PHACTR1: variants seen among roughly 807,000 people sequenced by gnomAD.
The protein encoded by PHACTR1 is RPEL repeat containing 1.
A neutral mutation model predicts 69.2 loss-of-function variants in PHACTR1; 16 were observed. The observed-to-expected ratio is 0.23, with a 90% CI of 0.16 to 0.35. PHACTR1 has a LOEUF of 0.35. Ranked by LOEUF, PHACTR1 falls within the 10% of genes least tolerant of loss-of-function variation. The probability of loss-of-function intolerance (pLI) is 1.00; values close to 1 mark genes in which losing one functional copy is unlikely to be tolerated. For missense variants in PHACTR1, 510 were observed against 734.7 expected, an observed-to-expected ratio of 0.69 and a Z score of 3.54; for synonymous variants, 312 against 284.5, an observed-to-expected ratio of 1.10 and a Z score of -0.97.
At chr6:12,813,519 A>G (rs1775250823) in intron 4 of PHACTR1, among the ~76,000 whole-genome samples, 1 of 152,196 alleles carries the variant, frequency 6.6e-6, no homozygotes, top group African/African-American at 2.4e-5. Flanking sequence ...AGAGACACCA[A>G]GTCCCTCTGC....
At chr6:12,943,629 A>G (rs1244593858) in intron 4 of PHACTR1, among the ~76,000 whole-genome samples, 1 of 152,180 alleles carries the variant, frequency 6.6e-6, no homozygotes, top group Non-Finnish European at 1.5e-5. Context: ...TCTATCCTCA[A>G]ATAATTTAGA....
chr6:12,992,596 A>G (rs899990101), intron 4 of PHACTR1, among the ~76,000 whole-genome samples: 1 of 152,208 alleles, frequency 6.6e-6, no homozygotes, highest in Non-Finnish European at 1.5e-5. Flanking sequence ...AAACTCACCT[A>G]AATTAAATTC....
intron 3 of PHACTR1, among the ~76,000 whole-genome samples, chr6:12,736,489 T>C (rs1764269486): frequency 6.6e-6 from 1 of 152,160 alleles, no homozygotes; most frequent in Non-Finnish European, 1.5e-5. Context: ...CTAGGACATA[T>C]TACCCTTAAT....
chr6:13,183,268 T>C (rs2113726024), intron 7 of PHACTR1, among the ~76,000 whole-genome samples: 1 of 152,288 alleles, frequency 6.6e-6, no homozygotes, highest in East Asian at 1.9e-4. Context: ...TCTCAGAAGG[T>C]TTGCAGAGCG....
intron 4 of PHACTR1, among the ~76,000 whole-genome samples, chr6:13,031,345 G>A (rs1029583803): frequency 6.6e-6 from 1 of 152,178 alleles, no homozygotes; most frequent in African/African-American, 2.4e-5. Context: ...GTTGGAATAT[G>A]TTTATTGTGC....
intron 4 of PHACTR1, among the ~76,000 whole-genome samples, chr6:12,819,957 G>A (rs1358693189): frequency 1.3e-5 from 2 of 152,096 alleles, no homozygotes; most frequent in Non-Finnish European, 2.9e-5. Context: ...CTTCCTTTCT[G>A]CTGCTGCCTA....
chr6:13,117,473 C>T (rs766386953), intron 5 of PHACTR1, among the ~76,000 whole-genome samples: 1 of 152,168 alleles, frequency 6.6e-6, no homozygotes, highest in Non-Finnish European at 1.5e-5. Flanking sequence ...AATTAAAATA[C>T]ATCCTTGGCT....
At chr6:13,061,930 A>G (rs1244006441) in intron 5 of PHACTR1, among the ~76,000 whole-genome samples, 1 of 152,220 alleles carries the variant, frequency 6.6e-6, no homozygotes, top group African/African-American at 2.4e-5. Context: ...CGCTCCAGCT[A>G]TTAGGAGACC....
chr6:12,796,521 T>C (rs959669569), intron 4 of PHACTR1, among the ~76,000 whole-genome samples: 1 of 152,266 alleles, frequency 6.6e-6, no homozygotes, highest in African/African-American at 2.4e-5. Flanking sequence ...GTCTTGATTT[T>C]TTGACTTGTG....
chr6:12,797,040 T>TGTGTGAGAGA (rs563796658), intron 4 of PHACTR1, among the ~76,000 whole-genome samples: 96 of 133,390 alleles, frequency 7.2e-4, no homozygotes, highest in African/African-American at 2.6e-3. Context: ...TGTGTGTGTG[T>TGTGTGAGAGA]GAGAGAGAGA....
At chr6:12,919,913 G>A (rs1296548726) in intron 4 of PHACTR1, among the ~76,000 whole-genome samples, 1 of 152,120 alleles carries the variant, frequency 6.6e-6, no homozygotes. Flanking sequence ...TGTCATAGGG[G>A]CCTAAATTCA....
chr6:13,192,587 A>G (rs768189893), intron 7 of PHACTR1, among the ~76,000 whole-genome samples: 2 of 152,208 alleles, frequency 1.3e-5, no homozygotes, highest in Non-Finnish European at 2.9e-5. Flanking sequence ...GATTTCAGCC[A>G]AGCATGTCTC....
chr6:13,209,368 G>T (rs1362927833), intron 8 of PHACTR1, among the ~76,000 whole-genome samples: 1 of 152,088 alleles, frequency 6.6e-6, no homozygotes, highest in African/African-American at 2.4e-5. Context: ...TATCCTCCTG[G>T]CAATTTCCAG....
intron 5 of PHACTR1, among the ~76,000 whole-genome samples, chr6:13,099,502 C>T (rs1407566694): frequency 3.3e-5 from 5 of 152,158 alleles, no homozygotes; most frequent in African/African-American, 1.2e-4. Flanking sequence ...GGACAGGCTC[C>T]CATTCCCATG....
chr6:12,896,377 C>A (rs1452988874), intron 4 of PHACTR1, among the ~76,000 whole-genome samples: 2 of 152,228 alleles, frequency 1.3e-5, no homozygotes, highest in African/African-American at 4.8e-5. Flanking sequence ...TTTCTTCTCA[C>A]AGATTCTTCA....
At chr6:13,224,821 G>C (rs184732718) in intron 8 of PHACTR1, among the ~76,000 whole-genome samples, 1 of 152,188 alleles carries the variant, frequency 6.6e-6, no homozygotes, top group Non-Finnish European at 1.5e-5. Flanking sequence ...TCTTAGATCC[G>C]AGTTTTAGAA....
chr6:13,218,728 A>C (rs761982692), intron 8 of PHACTR1, among the ~76,000 whole-genome samples: 2 of 151,678 alleles, frequency 1.3e-5, no homozygotes, highest in Non-Finnish European at 2.9e-5. Context: ...CTGAGGTGGG[A>C]GGATTGCTTG....
chr6:13,159,157 C>G (rs1758620087), intron 5 of PHACTR1, among the ~76,000 whole-genome samples: 1 of 152,326 alleles, frequency 6.6e-6, no homozygotes, highest in South Asian at 2.1e-4. Flanking sequence ...TTCCTCCAGC[C>G]CCGCTGCCAC....
chr6:13,061,267 AT>A (rs1476948415), intron 5 of PHACTR1, among the ~76,000 whole-genome samples: 1 of 152,156 alleles, frequency 6.6e-6, no homozygotes, highest in African/African-American at 2.4e-5. Context: ...CAAAGACCTT[AT>A]TTCCAAATAA....
Sources: allele counts gnomAD v4.1 joint callset (sites outside exome capture counted in the v4.1 genomes callset), GRCh38; gene constraint gnomAD v4.1.1; transcripts MANE v1.5; gene names NCBI Gene and HGNC (gene_info 2026-07-23, HGNC 2026-07-21).